Variants in ADAM22 observed in about 807,000 individuals in gnomAD.
ADAM22 encodes ADAM metallopeptidase domain 22.
In ADAM22, 65 loss-of-function variants were observed where a neutral mutation model predicts 144.6. The observed-to-expected ratio is 0.45, with a 90% confidence interval of 0.37 to 0.55. The LOEUF (loss-of-function observed/expected upper bound fraction) is 0.55. Among genes scored for constraint, ADAM22 ranks in the 20% least tolerant of loss-of-function variants. The pLI is 0.00. For missense variants in ADAM22, 974 were observed against 1,184.9 expected, an observed-to-expected ratio of 0.82 and a Z score of 2.61; for synonymous variants, 391 against 412.6, an observed-to-expected ratio of 0.95 and a Z score of 0.63.
At chr7:88,106,865 T>G (rs1315612964) in intron 4 of ADAM22, among the ~76,000 whole-genome samples, 7 of 152,192 alleles carry the variant, frequency 4.6e-5, no homozygotes, top group African/African-American at 1.7e-4. Flanking sequence ...AAAGGTGACA[T>G]CCTAAGATGG....
intron 3 of ADAM22, among the ~76,000 whole-genome samples, chr7:87,997,258 A>G (rs1791455242): frequency 1.3e-5 from 2 of 152,168 alleles, no homozygotes; most frequent in Admixed American, 6.5e-5. Context: ...CAATTTAAAA[A>G]CCCCCAAAGC....
Position 88,197,092 on chromosome 7 carries a change from A to G in ADAM22, c.*601A>G, listed in dbSNP as rs1309267687. ...TTTTACTTTTCATATTTATATTAGC[A>G]TACAAGGACAATTGTATATATGTAA... On this transcript the variant is annotated 3_prime_UTR_variant, in exon 32 of 32. Coordinates refer to ENST00000413139, the MANE Select transcript of ADAM22 (RefSeq NM_001324418.2). 1 of 152,508 alleles carries G rather than the reference A, an allele frequency of 6.6e-6. No homozygotes were observed. The highest frequency in any genetic ancestry group is 2.4e-5 in the African/African-American group (1 of 41,468). 9.4% of individuals were successfully genotyped at this position (152,508 alleles called of 1,614,324 possible). A position where few individuals can be genotyped will look rare whatever the true frequency, so the allele number is the denominator to read the frequency against.
chr7:87,960,522 T>G (rs191487221), intron 2 of ADAM22, among the ~76,000 whole-genome samples: 198 of 152,312 alleles, frequency 1.3e-3, no homozygotes, highest in Non-Finnish European at 2.2e-3. Flanking sequence ...CTTCTGGCCC[T>G]TGTGCAGTTG....
chr7:88,039,113 T>C (rs1031892621), intron 3 of ADAM22, among the ~76,000 whole-genome samples: 4 of 151,930 alleles, frequency 2.6e-5, no homozygotes, highest in African/African-American at 7.2e-5. Context: ...ATGGTAGTCA[T>C]AATCATCAAG....
At chr7:88,105,834 G>A (rs1330944969) in intron 4 of ADAM22, among the ~76,000 whole-genome samples, 9 of 152,150 alleles carry the variant, frequency 5.9e-5, no homozygotes, top group Admixed American at 5.9e-4. Flanking sequence ...GTGTGATTGT[G>A]TATGTAAATT....
Position 88,014,815 on chromosome 7 carries a change from A to G in ADAM22, c.323+36403A>G, listed in dbSNP as rs77419774. 3.2e-3 allele frequency among the ~76,000 whole-genome samples: 480 copies of G among 152,330 alleles called. 5 individuals are homozygous for G. Among genetic ancestry groups the G allele is most frequent in the African/African-American group, 0.011 (457 of 41,560 alleles). ...ATTCCATTGAGATATGTGGTATTCTAGTGATTCCCAAATGCTGATCCTCAG... is the reference window on the plus strand; with the variant it reads ...ATTCCATTGAGATATGTGGTATTCTGGTGATTCCCAAATGCTGATCCTCAG... On this transcript the variant is annotated intron_variant, in intron 3 of 31. Coordinates refer to ENST00000413139, the MANE Select transcript of ADAM22 (RefSeq NM_001324418.2).
chr7:87,964,742 C>G, intron 2 of ADAM22: 1 of 356,092 alleles, frequency 2.8e-6, no homozygotes, highest in South Asian at 2.2e-5. Flanking sequence ...TTCTCTCAAA[C>G]ATGAATTGTG....
At chr7:87,961,424 A>G (rs182323570) in intron 2 of ADAM22, among the ~76,000 whole-genome samples, 64 of 152,312 alleles carry the variant, frequency 4.2e-4, no homozygotes, top group African/African-American at 1.2e-3. Flanking sequence ...TTATCCCACC[A>G]AGGAAGAACA....
intron 3 of ADAM22, among the ~76,000 whole-genome samples, chr7:88,050,215 C>G (rs963829430): frequency 7.3e-6 from 1 of 137,884 alleles, no homozygotes; most frequent in African/African-American, 2.8e-5. Context: ...AAGCCTCCAT[C>G]TCTACTAAAA....
intron 2 of ADAM22, among the ~76,000 whole-genome samples, chr7:87,945,763 T>C (rs1017157604): frequency 2.0e-5 from 3 of 152,304 alleles, no homozygotes; most frequent in Middle Eastern, 3.4e-3. Context: ...TCCACCCGCC[T>C]CGGCCTCCCA....
chr7:88,160,920 C>G (rs1374491162), intron 22 of ADAM22, among the ~76,000 whole-genome samples: 1 of 151,858 alleles, frequency 6.6e-6, no homozygotes, highest in East Asian at 1.9e-4. Context: ...ACAATGAGAA[C>G]ACTTGGACAC....
chr7:88,025,749 A>G (rs1198466151), intron 3 of ADAM22, among the ~76,000 whole-genome samples: 2 of 152,188 alleles, frequency 1.3e-5, no homozygotes, highest in Non-Finnish European at 2.9e-5. Flanking sequence ...TGCCAGTACC[A>G]TGCTGTTTTG....
chr7:88,128,667 T>A lies in ADAM22; in HGVS notation c.744T>A (p.Asp248Glu), dbSNP rs1831032628. 1 of 1,611,664 alleles carries A rather than the reference T, an allele frequency of 6.2e-7. No individual in the cohort carries two copies. The highest frequency in any genetic ancestry group is 1.3e-5 in the African/African-American group (1 of 74,948). Residue 248 changes from aspartate to glutamate, a missense_variant, in exon 9 of 32, where the codon GAT becomes GAA. This residue lies in a region of ADAM22 where 734 missense variants were observed against 950.6 expected (regional missense o/e 0.77). Transcript: ENST00000413139. The stretch of plus-strand genomic sequence containing the variant: ...ACATTGAACTGATGATTGTGAATGA[T>A]CACCTTATGGTAGGATTTGCTGTTG... ...TKYIELMIVN[D>E]HLMFKKHRLS... is the part of the protein sequence containing the mutation.
chr7:88,045,178 G>A (rs774464161), intron 3 of ADAM22, among the ~76,000 whole-genome samples: 31 of 143,128 alleles, frequency 2.2e-4, no homozygotes, highest in Non-Finnish European at 4.3e-4. Flanking sequence ...CCACCACACC[G>A]GGCTAATTTT....
At chr7:88,143,574 A>G (rs1039404135) in intron 15 of ADAM22, among the ~76,000 whole-genome samples, 22 of 152,208 alleles carry the variant, frequency 1.4e-4, no homozygotes, top group African/African-American at 4.8e-4. Context: ...ATTTCTCAGT[A>G]TGAAAAACAA....
At chr7:87,960,926 GA>G (rs1429847679) in intron 2 of ADAM22, among the ~76,000 whole-genome samples, 21 of 152,068 alleles carry the variant, frequency 1.4e-4, no homozygotes, top group Admixed American at 1.4e-3. Flanking sequence ...GTGCCTTTGG[GA>G]TACATCAGTG....
intron 25 of ADAM22, among the ~76,000 whole-genome samples, chr7:88,170,979 C>T (rs190062620): frequency 3.3e-5 from 5 of 151,800 alleles, no homozygotes; most frequent in African/African-American, 1.2e-4. Flanking sequence ...GAAGCTTCAG[C>T]GAGTAAGTAG....
chr7:87,949,786 C>T (rs1211083004), intron 2 of ADAM22, among the ~76,000 whole-genome samples: 1 of 149,910 alleles, frequency 6.7e-6, no homozygotes, highest in East Asian at 1.9e-4. Context: ...GACTAACAAC[C>T]TAATCTAAAA....
chr7:88,050,927 C>A (rs1806154028), intron 3 of ADAM22, among the ~76,000 whole-genome samples: 2 of 152,126 alleles, frequency 1.3e-5, no homozygotes, highest in Admixed American at 6.5e-5. Context: ...GACATGAAGT[C>A]CTTGACCATG....
Sources: gnomAD v4.1 joint callset for allele counts (sites outside exome capture counted in the v4.1 genomes callset) on GRCh38, gnomAD v4.1.1 for gene constraint, gnomAD v4.1.1 regional missense constraint, MANE v1.5 for transcripts, NCBI Gene and HGNC (gene_info 2026-07-23, HGNC 2026-07-21) for gene names.